RIPOR2: variants seen among roughly 807,000 people sequenced by gnomAD.
RIPOR2 encodes the protein RHO family interacting cell polarization regulator 2.
RIPOR2 carries 39 observed loss-of-function variants against 114.5 expected under a neutral mutation model. That is an observed-to-expected ratio of 0.34 (90% confidence interval 0.26 to 0.44). RIPOR2 has a LOEUF of 0.44. RIPOR2 is among the 20% of genes least tolerant of loss of function. RIPOR2 has a pLI of 1.00. For missense variants in RIPOR2, 1,007 were observed against 1,255.1 expected (o/e 0.80, Z 2.99); for synonymous variants, 445 against 484.4 (o/e 0.92, Z 1.07).
chr6:24,935,817 C>G (rs1771769624), intron 1 of RIPOR2, 21 bp downstream of exon 1: 2 of 1,523,094 alleles, frequency 1.3e-6, no homozygotes, highest in African/African-American at 2.7e-5. Context: ...GGAGAGCCTC[C>G]TGCCAGAAAG....
chr6:24,826,262 A>C (rs974943863), intron 18 of RIPOR2, among the ~76,000 whole-genome samples: 1 of 152,162 alleles, frequency 6.6e-6, no homozygotes, highest in African/African-American at 2.4e-5. Context: ...ATAGGAAGAC[A>C]ATATTAAAAA....
intron 1 of RIPOR2, among the ~76,000 whole-genome samples, chr6:25,004,524 G>A (rs1022145762): frequency 2.6e-5 from 4 of 152,234 alleles, no homozygotes; most frequent in African/African-American, 9.6e-5. Context: ...CTCCTGCCAA[G>A]AAGGGAGATG....
In RIPOR2 at chr6:24,899,514, T is replaced by C. The variant is rs1435922655; in HGVS notation, c.62-23697A>G. On this transcript the variant is annotated intron_variant, in intron 1 of 21. Coordinates refer to ENST00000643898, the MANE Select transcript of RIPOR2 (RefSeq NM_001286445.3). ...GGTTACCACTTTAAATCTTTTCTGA[T>C]AGAGAGATAGAAGGGTAAACCATGC... is the stretch of plus-strand genomic sequence containing the variant. Among the ~76,000 whole-genome samples, 7 of 152,206 alleles carry C rather than the reference T, an allele frequency of 4.6e-5. No individual in the cohort carries two copies. The East Asian group carries it at 1.3e-3, about 29-fold the overall frequency.
At chr6:24,833,059 C>T (rs1328785599) in intron 15 of RIPOR2, among the ~76,000 whole-genome samples, 1 of 152,082 alleles carries the variant, frequency 6.6e-6, no homozygotes, top group Non-Finnish European at 1.5e-5. Context: ...TATTTGTGTG[C>T]AGTTCACAAG....
In RIPOR2 at chr6:24,806,333, G is replaced by A. The variant is rs1477239978; in HGVS notation, c.*40C>T. 6 of 1,330,892 alleles carry A rather than the reference G, an allele frequency of 4.5e-6. No homozygotes were observed. The highest frequency in any genetic ancestry group is 1.8e-4 in the Middle Eastern group (1 of 5,592). 82.4% of individuals were successfully genotyped at this position (1,330,892 alleles called of 1,614,324 possible). ...ACCACAGCACCATCCTGATGAAAAG[G>A]GCCAGATATTAAGACAGCTGTTAGG... On this transcript the variant is annotated 3_prime_UTR_variant, in exon 22 of 22. Transcript: ENST00000643898.
rs150729893 is a variant in RIPOR2 at position 24,997,413 on chromosome 6, T to C, written c.76+44438A>G. Among the ~76,000 whole-genome samples the C allele has an allele frequency of 6.6e-3, 999 of 152,322 alleles. 20 individuals are homozygous for C. Among genetic ancestry groups the C allele is most frequent in the African/African-American group, 0.022 (908 of 41,564 alleles). The stretch of plus-strand genomic sequence containing the variant: ...AGAATTTCTATATTAGACATAGTGC[T>C]TGCTTTTAGGAAACTGCAGTCCTTA... On this transcript the variant is annotated intron_variant, in intron 1 of 13. Coordinates refer to the RIPOR2 transcript ENST00000510784.
chr6:24,859,010 T>C (rs1269083832), intron 8 of RIPOR2, among the ~76,000 whole-genome samples: 1 of 152,168 alleles, frequency 6.6e-6, no homozygotes. Context: ...TGGTTTATAT[T>C]GTCTGCTCAG....
chr6:25,007,948 C>T (rs1032627029), intron 1 of RIPOR2, among the ~76,000 whole-genome samples: 16 of 152,134 alleles, frequency 1.1e-4, no homozygotes, highest in African/African-American at 3.6e-4. Context: ...GGCATCATCC[C>T]AGGCAACCAA....
At chr6:24,902,232 G>GA (rs1768535450) in intron 1 of RIPOR2, among the ~76,000 whole-genome samples, 1 of 125,616 alleles carries the variant, frequency 8.0e-6, no homozygotes, top group Non-Finnish European at 1.7e-5. Context: ...TTTTTTTTTT[G>GA]AGACAGAGTT....
chr6:24,977,307 T>A (rs1384405190), intron 1 of RIPOR2, among the ~76,000 whole-genome samples: 1 of 152,066 alleles, frequency 6.6e-6, no homozygotes, highest in African/African-American at 2.4e-5. Context: ...GTTACCAATG[T>A]TTTCAATTTT....
chr6:24,962,987 T>C (rs537256200), intron 1 of RIPOR2, among the ~76,000 whole-genome samples: 179 of 152,318 alleles, frequency 1.2e-3, no homozygotes, highest in African/African-American at 4.0e-3. Flanking sequence ...CCTGTGTCTA[T>C]CCCTTTCTTT....
intron 7 of RIPOR2, among the ~76,000 whole-genome samples, chr6:24,862,782 T>A (rs2113837731): frequency 7.6e-6 from 1 of 130,908 alleles, no homozygotes; most frequent in Non-Finnish European, 1.7e-5. Context: ...ATGGTCAAAA[T>A]TTTCCTCCCC....
At chr6:24,840,576 T>C in intron 13 of RIPOR2, 1 of 1,477,992 alleles carries the variant, frequency 6.8e-7, no homozygotes, top group Non-Finnish European at 8.9e-7. Flanking sequence ...TCCATCCAGT[T>C]AGGTGACACT....
chr6:24,963,194 G>A (rs771866907), intron 1 of RIPOR2, among the ~76,000 whole-genome samples: 2 of 152,078 alleles, frequency 1.3e-5, no homozygotes, highest in Non-Finnish European at 2.9e-5. Flanking sequence ...ACCACACCCA[G>A]CTAATTTTTT....
intron 1 of RIPOR2, among the ~76,000 whole-genome samples, chr6:25,025,216 G>A (rs892078105): frequency 3.3e-5 from 5 of 152,194 alleles, no homozygotes; most frequent in African/African-American, 1.2e-4. Flanking sequence ...GGTGGTGGGA[G>A]TTCTAAAAAT....
At chr6:24,973,171 G>T (rs963241152) in intron 1 of RIPOR2, among the ~76,000 whole-genome samples, 3 of 152,212 alleles carry the variant, frequency 2.0e-5, no homozygotes, top group Admixed American at 6.5e-5. Flanking sequence ...TAGCTGCAGA[G>T]AATAGGGAAT....
intron 1 of RIPOR2, among the ~76,000 whole-genome samples, chr6:25,027,713 C>A (rs557676821): frequency 6.6e-6 from 1 of 152,352 alleles, no homozygotes; most frequent in South Asian, 2.1e-4. Context: ...GACTTAGGTG[C>A]TCCTGCCCCA....
At chr6:24,850,096 T>TA in intron 10 of RIPOR2, 146 bp from the exon 11 acceptor site, 6 of 599,540 alleles carry the variant, frequency 1.0e-5, no homozygotes, top group Non-Finnish European at 1.3e-5. Context: ...TTTTTCTTTT[T>TA]CTTTTTTTTT....
At chr6:24,996,541 T>C (rs1581928087) in intron 1 of RIPOR2, among the ~76,000 whole-genome samples, 1 of 152,210 alleles carries the variant, frequency 6.6e-6, no homozygotes, top group African/African-American at 2.4e-5. Context: ...CCTCAAGCCC[T>C]GTGCTGCCCC....
Sources: gnomAD v4.1 joint callset for allele counts (sites outside exome capture counted in the v4.1 genomes callset) on GRCh38, gnomAD v4.1.1 for gene constraint, MANE v1.5 for transcripts, NCBI Gene and HGNC (gene_info 2026-07-23, HGNC 2026-07-21) for gene names.